Variants in KCNIP1 observed in about 807,000 individuals in gnomAD.
KCNIP1 encodes the protein potassium voltage-gated channel interacting protein 1, also known as A-type potassium channel modulatory protein KCNIP1.
A neutral mutation model predicts 33.0 loss-of-function variants in KCNIP1; 18 were observed. The ratio of observed to expected loss-of-function variants is 0.55; its 90% CI spans 0.38 to 0.81. The LOEUF is 0.81. Ranked by LOEUF, KCNIP1 falls within the 30% of genes least tolerant of loss-of-function variation. The pLI, the probability that KCNIP1 is intolerant of heterozygous loss-of-function variation, is 0.00. For synonymous variants in KCNIP1, 93 were observed against 98.3 expected, an observed-to-expected ratio of 0.95 and a Z score of 0.32; for missense variants, 238 against 271.6, an observed-to-expected ratio of 0.88 and a Z score of 0.87.
chr5:170,659,708 C>T (rs560192566), intron 1 of KCNIP1, among the ~76,000 whole-genome samples: 30 of 152,324 alleles, frequency 2.0e-4, no homozygotes, highest in South Asian at 4.1e-4. Context: ...GAACCAGGCT[C>T]GGAACAAGAC....
At chr5:170,451,579 CAAA>C (rs11365624) in intron 1 of KCNIP1, among the ~76,000 whole-genome samples, 2 of 143,676 alleles carry the variant, frequency 1.4e-5, no homozygotes, top group African/African-American at 5.0e-5. Context: ...CCTGAACTTG[CAAA>C]AAAAAAAAAA....
At chr5:170,567,303 C>A (rs1336407914) in intron 1 of KCNIP1, among the ~76,000 whole-genome samples, 1 of 152,160 alleles carries the variant, frequency 6.6e-6, no homozygotes, top group Non-Finnish European at 1.5e-5. Flanking sequence ...TTATCCAGTC[C>A]AAAATGCCAT....
intron 1 of KCNIP1, among the ~76,000 whole-genome samples, chr5:170,384,657 A>T (rs1057431865): frequency 6.6e-6 from 1 of 152,246 alleles, no homozygotes; most frequent in Admixed American, 6.5e-5. Context: ...TCTGAGACTT[A>T]TCCTAAGGAC....
chr5:170,597,820 T>TATATATATATATAAGAAA (rs1441774904), intron 1 of KCNIP1, among the ~76,000 whole-genome samples: 2 of 56,360 alleles, frequency 3.5e-5, no homozygotes, highest in African/African-American at 1.1e-4. Context: ...TATATATATA[T>TATATATATATATAAGAAA]ATATATATAT....
At chr5:170,570,605 A>G (rs1308027245) in intron 1 of KCNIP1, among the ~76,000 whole-genome samples, 3 of 152,232 alleles carry the variant, frequency 2.0e-5, no homozygotes, top group Non-Finnish European at 2.9e-5. Flanking sequence ...TTTTAATCAC[A>G]GCATTCCTCA....
intron 1 of KCNIP1, among the ~76,000 whole-genome samples, chr5:170,497,615 C>A (rs10070779): frequency 0.078 from 11,860 of 152,184 alleles, 1,543 homozygotes; most frequent in African/African-American, 0.27. Context: ...ATCTAACCAC[C>A]CGTCCCCTTT....
At chr5:170,642,769 T>G (rs1760624351) in intron 1 of KCNIP1, among the ~76,000 whole-genome samples, 1 of 152,214 alleles carries the variant, frequency 6.6e-6, no homozygotes, top group East Asian at 1.9e-4. Flanking sequence ...TGAATTCCAG[T>G]GCTGTGATTA....
At chr5:170,536,681 A>G (rs1473878198) in intron 1 of KCNIP1, among the ~76,000 whole-genome samples, 1 of 152,160 alleles carries the variant, frequency 6.6e-6, no homozygotes, top group Non-Finnish European at 1.5e-5. Context: ...AGGAAAGCGG[A>G]GCTACCCTGG....
intron 1 of KCNIP1, among the ~76,000 whole-genome samples, chr5:170,656,706 G>A (rs1761278682): frequency 2.0e-5 from 3 of 152,238 alleles, no homozygotes; most frequent in African/African-American, 7.2e-5. Context: ...GTCCAGCACA[G>A]TCACCATCTC....
chr5:170,451,192 T>C (rs1469642283), intron 1 of KCNIP1, among the ~76,000 whole-genome samples: 1 of 152,190 alleles, frequency 6.6e-6, no homozygotes, highest in Non-Finnish European at 1.5e-5. Flanking sequence ...TAAACGCAGA[T>C]AAAACAAGAA....
chr5:170,467,782 T>G (rs1756639280), intron 1 of KCNIP1, among the ~76,000 whole-genome samples: 1 of 151,810 alleles, frequency 6.6e-6, no homozygotes, highest in Non-Finnish European at 1.5e-5. Flanking sequence ...GCCAGGTGTG[T>G]TGGCGCCTGT....
intron 1 of KCNIP1, among the ~76,000 whole-genome samples, chr5:170,435,841 AT>A (rs1755850755): frequency 1.3e-5 from 2 of 151,824 alleles, no homozygotes; most frequent in Admixed American, 1.3e-4. Context: ...GGTACCTGGA[AT>A]TTCTCTCCCT....
intron 1 of KCNIP1, among the ~76,000 whole-genome samples, chr5:170,553,617 C>A (rs551785339): frequency 5.9e-4 from 90 of 152,300 alleles, no homozygotes; most frequent in South Asian, 8.3e-4. Context: ...GTGAGCTGTT[C>A]TGTGGCACAA....
intron 1 of KCNIP1, among the ~76,000 whole-genome samples, chr5:170,494,082 CCA>C (rs760802479): frequency 4.6e-5 from 7 of 152,200 alleles, no homozygotes; most frequent in Non-Finnish European, 8.8e-5. Context: ...GTGAGAAGCC[CCA>C]GTCTCAGGTC....
chr5:170,374,385 T>C (rs1763931531), intron 1 of KCNIP1, among the ~76,000 whole-genome samples: 1 of 152,150 alleles, frequency 6.6e-6, no homozygotes, highest in South Asian at 2.1e-4. Flanking sequence ...GAAATTCCAG[T>C]CCTCTGAGAT....
chr5:170,471,155 G>A (rs926092177), intron 1 of KCNIP1, among the ~76,000 whole-genome samples: 2 of 152,168 alleles, frequency 1.3e-5, no homozygotes, highest in Non-Finnish European at 2.9e-5. Context: ...TTCCATGCTT[G>A]GGGAGAGGAG....
chr5:170,730,427 A>G (rs1378759050), intron 5 of KCNIP1, among the ~76,000 whole-genome samples: 2 of 152,208 alleles, frequency 1.3e-5, no homozygotes, highest in Non-Finnish European at 1.5e-5. Context: ...GTAGCTTCTC[A>G]GAAAAGATAG....
chr5:170,472,368 T>C (rs1225527918), intron 1 of KCNIP1, among the ~76,000 whole-genome samples: 1 of 152,210 alleles, frequency 6.6e-6, no homozygotes, highest in Non-Finnish European at 1.5e-5. Flanking sequence ...TCCGCCCGCC[T>C]GGGTAAGGGA....
intron 1 of KCNIP1, among the ~76,000 whole-genome samples, chr5:170,514,616 A>G (rs1197571020): frequency 1.3e-5 from 2 of 152,136 alleles, no homozygotes; most frequent in Admixed American, 1.3e-4. Flanking sequence ...CCAAATTTGG[A>G]TTTTTCCCAT....
Sources: allele counts gnomAD v4.1 joint callset (sites outside exome capture counted in the v4.1 genomes callset), GRCh38; gene constraint gnomAD v4.1.1; transcripts MANE v1.5; gene names NCBI Gene and HGNC (gene_info 2026-07-23, HGNC 2026-07-21).